KCNMA1: variants seen among roughly 807,000 people sequenced by gnomAD.
KCNMA1 encodes the protein potassium calcium-activated channel subfamily M alpha 1, also known as Calcium-activated potassium channel subunit alpha-1.
In KCNMA1, 29 loss-of-function variants were observed where a neutral mutation model predicts 140.0. That is an observed-to-expected ratio of 0.21 (90% CI 0.15 to 0.28). The LOEUF is 0.28. Ranked by LOEUF, KCNMA1 falls within the 10% of genes least tolerant of loss-of-function variation. The pLI is 1.00. For missense variants in KCNMA1, 880 were observed against 1,602.2 expected (o/e 0.55, Z 7.70); for synonymous variants, 612 against 611.9 (o/e 1.00, Z 0.00).
intron 2 of KCNMA1, among the ~76,000 whole-genome samples, chr10:77,398,791 G>C (rs1344468334): frequency 6.6e-6 from 1 of 152,156 alleles, no homozygotes; most frequent in Non-Finnish European, 1.5e-5. Context: ...TACCAACCCT[G>C]AATTTGACTA....
chr10:76,973,687 GC>G (rs2076711667), intron 19 of KCNMA1, among the ~76,000 whole-genome samples: 2 of 152,130 alleles, frequency 1.3e-5, no homozygotes. Flanking sequence ...CTGTTTTCAA[GC>G]AAAAGCAACG....
chr10:76,947,972 A>G (rs1426522782), intron 22 of KCNMA1, among the ~76,000 whole-genome samples: 2 of 146,310 alleles, frequency 1.4e-5, no homozygotes, highest in African/African-American at 5.1e-5. Flanking sequence ...CTTAACATGT[A>G]GAGAAATCCA....
At chr10:76,957,134 A>G (rs1591909708) in intron 20 of KCNMA1, among the ~76,000 whole-genome samples, 1 of 150,168 alleles carries the variant, frequency 6.7e-6, no homozygotes. Context: ...TCTCAAAAAA[A>G]AAAAAAAAAA....
chr10:77,420,758 C>CA (rs2096849641), intron 1 of KCNMA1, among the ~76,000 whole-genome samples: 1 of 152,202 alleles, frequency 6.6e-6, no homozygotes, highest in South Asian at 2.1e-4. Flanking sequence ...TCAGAGAACA[C>CA]AAAGGGCCTG....
intron 2 of KCNMA1, among the ~76,000 whole-genome samples, chr10:77,307,740 G>A (rs906837490): frequency 1.6e-4 from 24 of 152,142 alleles, no homozygotes; most frequent in Admixed American, 2.6e-4. Flanking sequence ...TAGTAGAGAC[G>A]GGGTTTCACC....
intron 1 of KCNMA1, among the ~76,000 whole-genome samples, chr10:77,472,283 A>C (rs527500936): frequency 2.0e-5 from 3 of 151,692 alleles, no homozygotes; most frequent in Admixed American, 1.3e-4. Context: ...CACACTATGC[A>C]CATGTCACAC....
chr10:77,402,440 C>T (rs766993111), intron 2 of KCNMA1, among the ~76,000 whole-genome samples: 16 of 152,202 alleles, frequency 1.1e-4, no homozygotes, highest in Non-Finnish European at 1.8e-4. Flanking sequence ...TAAATGTCCC[C>T]TCTTTCCATT....
At chr10:77,154,536 G>A (rs1370612500) in intron 5 of KCNMA1, among the ~76,000 whole-genome samples, 1 of 152,114 alleles carries the variant, frequency 6.6e-6, no homozygotes. Context: ...ACTGTTGCCT[G>A]AATAATTCAG....
chr10:77,546,656 G>T (rs1055039423), intron 1 of KCNMA1, among the ~76,000 whole-genome samples: 2 of 152,206 alleles, frequency 1.3e-5, no homozygotes, highest in African/African-American at 2.4e-5. Context: ...AGTGGGAGAG[G>T]AAAGGACAGA....
At chr10:76,870,307 TG>T (rs1454089656) in exon 28 of KCNMA1, 3 of 152,152 alleles carry the variant, frequency 2.0e-5, no homozygotes, top group African/African-American at 7.2e-5. Context: ...GTCAATGCCT[TG>T]TGTACATTTC....
chr10:77,391,798 T>G (rs1161288642), intron 2 of KCNMA1, among the ~76,000 whole-genome samples: 3 of 151,884 alleles, frequency 2.0e-5, no homozygotes, highest in Admixed American at 2.0e-4. Context: ...TCAGCTTGCG[T>G]GTGGTCCCGA....
chr10:76,937,322 G>A (rs903342555), intron 23 of KCNMA1, among the ~76,000 whole-genome samples: 3 of 152,152 alleles, frequency 2.0e-5, no homozygotes, highest in Non-Finnish European at 4.4e-5. Context: ...TCCAGGCACT[G>A]CCCCATTCTG....
intron 2 of KCNMA1, among the ~76,000 whole-genome samples, chr10:77,370,915 C>G (rs1001104009): frequency 6.6e-6 from 1 of 152,188 alleles, no homozygotes; most frequent in African/African-American, 2.4e-5. Flanking sequence ...ACCTGATACA[C>G]AGTGGGGCAC....
intron 23 of KCNMA1, among the ~76,000 whole-genome samples, chr10:76,920,881 CCCA>C (rs2055470015): frequency 6.6e-6 from 1 of 152,170 alleles, no homozygotes; most frequent in African/African-American, 2.4e-5. Flanking sequence ...ACAACTGGGA[CCCA>C]TTGTAGTTAT....
chr10:77,062,906 C>T lies in KCNMA1; in HGVS notation c.1749+10191G>A, dbSNP rs76223608. 5.9e-3 allele frequency among the ~76,000 whole-genome samples: 906 copies of T among 152,284 alleles called. 3 individuals are homozygous for T. The highest frequency in any genetic ancestry group is 9.3e-3 in the Non-Finnish European group (635 of 68,024). ...AGCTGAGAAGCCAATGATGTTGTAG[C>T]GTTCTGGCCCTAGCTCTACCATTCC... On this transcript the variant is annotated intron_variant, in intron 14 of 27. Coordinates refer to ENST00000286628, the MANE Select transcript of KCNMA1 (RefSeq NM_001161352.2).
chr10:77,530,527 T>C (rs957435687), intron 1 of KCNMA1, among the ~76,000 whole-genome samples: 3 of 152,206 alleles, frequency 2.0e-5, no homozygotes, highest in African/African-American at 7.2e-5. Context: ...ATTCACTTAG[T>C]GCAAGTCACG....
At chr10:76,967,162 C>T (rs548433667) in intron 20 of KCNMA1, among the ~76,000 whole-genome samples, 19 of 152,286 alleles carry the variant, frequency 1.2e-4, no homozygotes, top group Middle Eastern at 3.4e-3. Context: ...TTCTCCAGTT[C>T]CTCTTGGAGC....
At chr10:77,296,908 T>TGGGGG (rs781675116) in intron 2 of KCNMA1, among the ~76,000 whole-genome samples, 2 of 80,328 alleles carry the variant, frequency 2.5e-5, no homozygotes, top group African/African-American at 3.5e-5. Flanking sequence ...CCTGGGTGTG[T>TGGGGG]GGGCGGGGGG....
intron 3 of KCNMA1, among the ~76,000 whole-genome samples, chr10:77,205,574 C>T: frequency 6.6e-6 from 1 of 152,032 alleles, no homozygotes. Flanking sequence ...ATATTTAAAC[C>T]TTCAAAAAAT....
Sources: gnomAD v4.1 joint callset for allele counts (sites outside exome capture counted in the v4.1 genomes callset) on GRCh38, gnomAD v4.1.1 for gene constraint, MANE v1.5 for transcripts, NCBI Gene and HGNC (gene_info 2026-07-23, HGNC 2026-07-21) for gene names.